KIF21A: variants seen among roughly 807,000 people sequenced by gnomAD.
KIF21A encodes the protein kinesin family member 21A.
KIF21A carries 114 observed loss-of-function variants against 202.9 expected under a neutral mutation model. That is an observed-to-expected ratio of 0.56 (90% CI 0.48 to 0.66). KIF21A has a LOEUF of 0.66. Ranked by LOEUF, KIF21A falls within the 30% of genes least tolerant of loss-of-function variation. The probability of loss-of-function intolerance (pLI) is 0.00; values close to 1 mark genes in which losing one functional copy is unlikely to be tolerated. For synonymous variants in KIF21A, 667 were observed against 670.8 expected, an observed-to-expected ratio of 0.99 and a Z score of 0.09; for missense variants, 1,677 against 1,994.9, an observed-to-expected ratio of 0.84 and a Z score of 3.04.
At chr12:39,407,136 C>A (rs1439098611) in intron 1 of KIF21A, among the ~76,000 whole-genome samples, 6 of 152,196 alleles carry the variant, frequency 3.9e-5, no homozygotes, top group Admixed American at 2.0e-4. Context: ...ATTGTCGATT[C>A]TTCCCTTCCC....
Position 39,442,041 on chromosome 12 carries a change from T to G in KIF21A, c.44+886A>C, listed in dbSNP as rs576847186. Among the ~76,000 whole-genome samples the G allele has an allele frequency of 5.3e-5, 8 of 152,334 alleles. No homozygotes were observed. Among genetic ancestry groups the G allele is most frequent in the African/African-American group, 1.9e-4 (8 of 41,570 alleles). On this transcript the variant is annotated intron_variant, in intron 1 of 37. Transcript: ENST00000361418. The surrounding 1 kb of genome is among the most constrained non-coding windows in gnomAD (Gnocchi z 5.0). ...CCATGAGCAACTATCAGAGCTTTCC[T>G]TCTTGATAAGTATCAAAACAGCCGA...
At chr12:39,425,932 T>TAA (rs1016584377) in intron 1 of KIF21A, among the ~76,000 whole-genome samples, 14 of 53,312 alleles carry the variant, frequency 2.6e-4, no homozygotes, top group Admixed American at 5.9e-4. Flanking sequence ...GATTAGAAAC[T>TAA]AAAAAAAAAA....
At chr12:39,427,263 G>C (rs1439476251) in intron 1 of KIF21A, among the ~76,000 whole-genome samples, 1 of 152,166 alleles carries the variant, frequency 6.6e-6, no homozygotes, top group African/African-American at 2.4e-5. Context: ...TAAAAATTTT[G>C]TTTCTTTAGA....
At position 39,395,443 on chromosome 12, in the gene KIF21A, C is replaced by T. The variant is rs375862221; in HGVS notation, c.45-25182G>A. Among the ~76,000 whole-genome samples, 22 of 152,108 alleles carry T rather than the reference C, an allele frequency of 1.4e-4. No individual in the cohort carries two copies. In the South Asian group the frequency reaches 1.5e-3, roughly 10 times the overall value. ...CATCTCCTAAGGTTAAAGCTTCTTCCGCCATGTTTCCATACCGCCATATTT... is the reference window on the plus strand; with the variant it reads ...CATCTCCTAAGGTTAAAGCTTCTTCTGCCATGTTTCCATACCGCCATATTT... On this transcript the variant is annotated intron_variant, in intron 1 of 37. Transcript: ENST00000361418.
In KIF21A at chr12:39,318,166, G is replaced by C. The variant is rs768618302; in HGVS notation, c.3815C>G (p.Pro1272Arg). ...DSGTSEASLSPPSSPPSRPRN... is the reference protein window; with the variant it reads ...DSGTSEASLSRPSSPPSRPRN... ...GGGCCGGCTTGGTGGGGAAGAAGGA[G>C]GTGAAAGACTAGCCTCTGAAGTTCC... Residue 1272 changes from proline to arginine, a missense_variant, in exon 29 of 38, where the codon CCT (proline) becomes CGT (arginine). Physicochemically the swap from Pro to Arg is moderately radical, Grantham distance 103. This residue lies in a region of KIF21A where 705 missense variants were observed against 791.9 expected (regional missense o/e 0.89). Coordinates refer to ENST00000361418, the MANE Select transcript of KIF21A (RefSeq NM_001173464.2). The C allele has an allele frequency of 1.9e-6, 3 of 1,613,396 alleles. No homozygotes were observed. Among genetic ancestry groups the C allele is most frequent in the Non-Finnish European group, 2.5e-6 (3 of 1,179,588 alleles).
rs116834284 is a variant in KIF21A, at chr12:39,413,341, A to G, written c.44+29586T>C. ...CACCCATTTTGGAAACAATTGGTCA[A>G]TTCTTCCCTCCTGCCCCTACCTATT... On this transcript the variant is annotated intron_variant, in intron 1 of 37. Coordinates refer to ENST00000361418, the MANE Select transcript of KIF21A (RefSeq NM_001173464.2). Among the ~76,000 whole-genome samples the G allele has an allele frequency of 5.7e-3, 873 of 152,278 alleles. 9 individuals are homozygous for G. Among genetic ancestry groups the G allele is most frequent in the African/African-American group, 0.02 (838 of 41,560 alleles).
At chr12:39,374,911 G>A (rs1950173269) in intron 1 of KIF21A, among the ~76,000 whole-genome samples, 1 of 151,818 alleles carries the variant, frequency 6.6e-6, no homozygotes, top group Admixed American at 6.6e-5. Flanking sequence ...TTTTTCCCCT[G>A]CCATGCACTA....
rs1217549046 is a variant in KIF21A at position 39,349,956 on chromosome 12, C to T, written c.1673+1821G>A. Among the ~76,000 whole-genome samples, 4 of 151,902 alleles carry T rather than the reference C, an allele frequency of 2.6e-5. No homozygotes were observed. The East Asian group carries it at 7.7e-4, about 29-fold the overall frequency. ...GGTGTCAGTGTACGAAGGTACACTACAGCATGTGTGAAAATGCTCTTAAAA... is the reference window on the plus strand; with the variant it reads ...GGTGTCAGTGTACGAAGGTACACTATAGCATGTGTGAAAATGCTCTTAAAA... On this transcript the variant is annotated intron_variant, in intron 11 of 37. Transcript: ENST00000361418.
At chr12:39,329,112 C>A (rs1460760002) in intron 24 of KIF21A, among the ~76,000 whole-genome samples, 1 of 152,212 alleles carries the variant, frequency 6.6e-6, no homozygotes, top group Non-Finnish European at 1.5e-5. Flanking sequence ...GTACCTATAA[C>A]TTTCTAGCTT....
chr12:39,408,389 C>T (rs1952783055), intron 1 of KIF21A, among the ~76,000 whole-genome samples: 1 of 152,122 alleles, frequency 6.6e-6, no homozygotes, highest in Non-Finnish European at 1.5e-5. Flanking sequence ...GGCTCAACTG[C>T]TGCTCACTTC....
intron 1 of KIF21A, among the ~76,000 whole-genome samples, chr12:39,403,392 G>A (rs1175345224): frequency 2.6e-5 from 4 of 152,300 alleles, no homozygotes; most frequent in Non-Finnish European, 4.4e-5. Context: ...TGATACATTT[G>A]TATATACATG....
At chr12:39,389,347 C>T (rs1483045150) in intron 1 of KIF21A, among the ~76,000 whole-genome samples, 3 of 152,110 alleles carry the variant, frequency 2.0e-5, no homozygotes. Flanking sequence ...CTTGCTTTGT[C>T]CATTTAAGAG....
intron 37 of KIF21A, among the ~76,000 whole-genome samples, chr12:39,301,270 C>T (rs74920317): frequency 0.015 from 2,281 of 152,242 alleles, 46 homozygotes; most frequent in African/African-American, 0.051. Flanking sequence ...GAGTGCTATA[C>T]AGGAGTAACA....
chr12:39,436,520 C>T (rs1938804474), intron 1 of KIF21A, among the ~76,000 whole-genome samples: 1 of 142,094 alleles, frequency 7.0e-6, no homozygotes, highest in African/African-American at 2.6e-5. Flanking sequence ...GGAGTGATCA[C>T]AGCACACTGC....
At chr12:39,437,106 C>CAATTTATT (rs1427988789) in intron 1 of KIF21A, among the ~76,000 whole-genome samples, 1 of 152,074 alleles carries the variant, frequency 6.6e-6, no homozygotes, top group Non-Finnish European at 1.5e-5. Context: ...TATTCCAAGT[C>CAATTTATT]AATTTATTTG....
intron 13 of KIF21A, 61 bp downstream of exon 13, chr12:39,341,973 A>G: frequency 8.8e-7 from 1 of 1,138,214 alleles, no homozygotes; most frequent in East Asian, 2.4e-5. Context: ...GTAAGTTATC[A>G]TCAACCAAGA....
chr12:39,331,026 G>T, intron 22 of KIF21A, 115 bp from the exon 23 acceptor site: 3 of 1,026,764 alleles, frequency 2.9e-6, no homozygotes, highest in Non-Finnish European at 4.5e-6. Context: ...GATAGACCTC[G>T]AGTCATCCCA....
intron 32 of KIF21A, 66 bp downstream of exon 32, chr12:39,311,351 T>C (rs1365023580): frequency 1.3e-5 from 19 of 1,429,768 alleles, no homozygotes; most frequent in Non-Finnish European, 1.7e-5. Flanking sequence ...TTCTAGAATA[T>C]GTTAAAAATG....
chr12:39,409,038 G>A (rs1952853698), intron 1 of KIF21A, among the ~76,000 whole-genome samples: 1 of 151,624 alleles, frequency 6.6e-6, no homozygotes, highest in South Asian at 2.1e-4. Context: ...GTCTCCCTAT[G>A]TTGCCCAGGC....
Sources: allele counts gnomAD v4.1 joint callset (sites outside exome capture counted in the v4.1 genomes callset), GRCh38; gene constraint gnomAD v4.1.1; regional missense constraint gnomAD v4.1.1; non-coding constraint Gnocchi (gnomAD v3.1); transcripts MANE v1.5; gene names NCBI Gene and HGNC (gene_info 2026-07-23, HGNC 2026-07-21).